Variants in KCP observed in about 807,000 individuals in gnomAD.
KCP encodes kielin cysteine rich BMP regulator.
Under a neutral mutation model 212.7 loss-of-function variants are expected in KCP, and 194 were observed. That is an observed-to-expected ratio of 0.91 (90% CI 0.81 to 1.03). The LOEUF is 1.03. KCP is among the 50% of genes least tolerant of loss of function. KCP has a pLI of 0.00. For synonymous variants in KCP, 833 were observed against 865.3 expected (o/e 0.96, Z 0.65); for missense variants, 2,080 against 2,162.5 (o/e 0.96, Z 0.76).
Position 128,877,547 on chromosome 7 carries a change from C to T in KCP, c.4555G>A (p.Ala1519Thr), listed in dbSNP as rs1449944801. The T allele has an allele frequency of 1.3e-6, 2 of 1,551,466 alleles. No homozygotes were observed. Among genetic ancestry groups the T allele is most frequent in the Non-Finnish European group, 1.7e-6 (2 of 1,146,976 alleles). Reference protein sequence around the residue: ...ADACLCDALEAYASHCRQAGV... With the variant: ...ADACLCDALETYASHCRQAGV... ...GCCTGGCGACAGTGACTGGCGTAGG[C>T]TTCCAGGGCATCACAGAGGCAGGCA... The change falls in exon 39 of 40, where the codon GCC becomes ACC. Residue 1519 changes from alanine (A) to threonine (T), a missense_variant. Coordinates refer to ENST00000610776, the MANE Select transcript of KCP (RefSeq NM_001366122.1).
Position 128,891,786 on chromosome 7 carries a change from C to T in KCP, c.1655G>A (p.Gly552Asp). 6.9e-7 allele frequency: 1 copy of T among 1,450,016 alleles called. No homozygotes were observed. The allele number at this position is 1,450,016 out of a possible 1,614,324, so 89.8% of individuals were successfully genotyped here. ...CILEEEVFVDGESFSHPRDPC... is the reference protein window; with the variant it reads ...CILEEEVFVDDESFSHPRDPC... ...GTCTCGGGGGTGGGAGAAGCTCTCG[C>T]CGTCCACAAACACCTCTTCCTCCAG... The change falls in exon 17 of 40, where the codon GGC becomes GAC. Residue 552 changes from glycine to aspartate, a missense_variant. Coordinates refer to ENST00000610776, the MANE Select transcript of KCP (RefSeq NM_001366122.1).
Position 128,880,511 on chromosome 7 carries a change from C to A in KCP, c.3634G>T (p.Val1212Leu). The A allele has an allele frequency of 6.6e-7, 1 of 1,508,930 alleles. No homozygotes were observed. Among genetic ancestry groups the A allele is most frequent in the Non-Finnish European group, 8.9e-7 (1 of 1,120,640 alleles). The allele number at this position is 1,508,930 out of a possible 1,614,324, so 93.5% of individuals were successfully genotyped here. A position where few individuals can be genotyped will look rare whatever the true frequency, so the allele number is the denominator to read the frequency against. ...ERCQAPTQSC[V>L]HQGREVASGE... ...GAGGCCACCTCACGGCCCTGGTGCA[C>A]GCAGGACTGGGTGGGAGCTGAAGGG... The change falls in exon 34 of 40, where the codon GTG becomes TTG. Residue 1212 changes from valine to leucine, a missense_variant. By Grantham distance (32) the Val-to-Leu change is conservative. Transcript: ENST00000610776.
intron 8 of KCP, among the ~76,000 whole-genome samples, chr7:128,902,570 G>A (rs192650913): frequency 6.6e-6 from 1 of 152,204 alleles, no homozygotes. Flanking sequence ...CACTAACCCG[G>A]GCTGAGCACC....
At position 128,881,771 on chromosome 7, in the gene KCP, G is replaced by A. The variant is rs750059040; in HGVS notation, c.3325-46C>T. On this transcript the variant is annotated intron_variant, in intron 30 of 39. Transcript: ENST00000610776. ...GGTAGAGAATGGCAGATCTCAGGGA[G>A]CTGGTGGAGGAGTAAGGCATAGGCA... is the stretch of plus-strand genomic sequence containing the variant. 27 of 1,470,124 alleles carry A rather than the reference G, an allele frequency of 1.8e-5. No homozygotes were observed. The South Asian group carries it at 3.2e-4, about 17-fold the overall frequency. The allele number at this position is 1,470,124 out of a possible 1,614,324, so 91.1% of individuals were successfully genotyped here.
At chr7:128,909,356 C>G (rs1795312170) in intron 1 of KCP, among the ~76,000 whole-genome samples, 2 of 152,234 alleles carry the variant, frequency 1.3e-5, no homozygotes, top group South Asian at 4.2e-4. Flanking sequence ...ATTAGTGAGG[C>G]CAGGCCTGGA....
intron 26 of KCP, among the ~76,000 whole-genome samples, chr7:128,885,609 G>C (rs577963525): frequency 6.6e-6 from 1 of 151,784 alleles, no homozygotes; most frequent in South Asian, 2.1e-4. Context: ...TGGCTCCATC[G>C]CTAACCATGT....
rs1218981173 is a variant in KCP at position 128,907,155 on chromosome 7, G to A, written c.432C>T (p.Thr144=). 3.2e-6 allele frequency: 5 copies of A among 1,551,450 alleles called. No individual in the cohort carries two copies. In the African/African-American group the frequency reaches 6.8e-5, roughly 21 times the overall value. Residue 144 remains threonine (T), a synonymous_variant, in exon 4 of 40, where the codon ACC becomes ACT. Transcript: ENST00000610776. The part of the protein sequence containing the change: ...HCRGCSQNGQ[T]YGNGETFSPD... ...GGGAGAAGGTCTCCCCGTTGCCGTA[G>A]GTCTGGCCATTTTGGCTGCAGCCTA...
At chr7:128,904,210 A>G in intron 5 of KCP, 72 bp from the exon 6 acceptor site, 1 of 1,512,578 alleles carries the variant, frequency 6.6e-7, no homozygotes, top group African/African-American at 1.4e-5. Context: ...GAGGTAAGGC[A>G]TGACCCCAAG....
At chr7:128,907,239 A>C in intron 3 of KCP, 25 bp downstream of exon 3, 2 of 1,537,246 alleles carry the variant, frequency 1.3e-6, no homozygotes, top group Non-Finnish European at 1.8e-6. Flanking sequence ...AGGTGGCCCC[A>C]GTGGGCGGAT....
In KCP at chr7:128,878,055, CT is replaced by C. The variant is rs34574520; in HGVS notation, c.4312-266del. Among the ~76,000 whole-genome samples the C allele has an allele frequency of 7.0e-3, 921 of 131,742 alleles. 6 individuals are homozygous for C. Among genetic ancestry groups the C allele is most frequent in the African/African-American group, 0.018 (655 of 35,446 alleles). 86.4% of individuals were successfully genotyped at this position (131,742 alleles called of 152,430 possible). A position where few individuals can be genotyped will look rare whatever the true frequency, so the allele number is the denominator to read the frequency against. On this transcript the variant is annotated intron_variant, in intron 38 of 39. Transcript: ENST00000610776. ...CTTGAGGGTTCAGGTAACAAGCCTTCTTTTTTTTTTTTTTTTTTGAGACAGA... is the reference window on the plus strand; with the variant it reads ...CTTGAGGGTTCAGGTAACAAGCCTTCTTTTTTTTTTTTTTTTTGAGACAGA...
At chr7:128,889,507 G>A (rs1025994610) in intron 21 of KCP, among the ~76,000 whole-genome samples, 1 of 152,204 alleles carries the variant, frequency 6.6e-6, no homozygotes, top group Non-Finnish European at 1.5e-5. Flanking sequence ...TCTGCCATTT[G>A]CTCACCTCCC....
At position 128,893,833 on chromosome 7, in the gene KCP, G is replaced by A. The variant is rs1794340902; in HGVS notation, c.1072C>T (p.Pro358Ser). The part of the protein sequence containing the change: ...PVPCRHPGKI[P>S]GQCCPVCDGC... Reference sequence around the variant, plus strand: ...TCGCAGACAGGGCAGCACTGCCCAGGGATCTTGCCTGGGTGTCTGCAGGGC... The same window carrying A: ...TCGCAGACAGGGCAGCACTGCCCAGAGATCTTGCCTGGGTGTCTGCAGGGC... The change falls in exon 11 of 40, where the codon CCT becomes TCT. Residue 358 changes from proline to serine, a missense_variant. Coordinates refer to ENST00000610776, the MANE Select transcript of KCP (RefSeq NM_001366122.1). The A allele has an allele frequency of 2.6e-6, 4 of 1,551,106 alleles. No homozygotes were observed. Among genetic ancestry groups the A allele is most frequent in the South Asian group, 1.2e-5 (1 of 84,062 alleles).
chr7:128,888,119 T>TACACACACACAC (rs199831809), intron 22 of KCP, among the ~76,000 whole-genome samples: 1 of 118,038 alleles, frequency 8.5e-6, no homozygotes, highest in African/African-American at 3.1e-5. Context: ...GCTACAGCCA[T>TACACACACACAC]ACACACACAC....
intron 23 of KCP, 74 bp from the exon 24 acceptor site, chr7:128,887,040 G>T: frequency 9.7e-7 from 1 of 1,025,764 alleles, no homozygotes; most frequent in Non-Finnish European, 1.5e-6. Context: ...TACTGAGCCT[G>T]CAGGGGCCCA....
chr7:128,884,686 G>T, intron 28 of KCP, 95 bp downstream of exon 28: 1 of 1,167,672 alleles, frequency 8.6e-7, no homozygotes, highest in Non-Finnish European at 1.2e-6. Context: ...CAGAGTGCCT[G>T]CTCCATGCAG....
In KCP at chr7:128,877,073, G is replaced by GCTGGGC; in HGVS notation, c.4851_4856dup (p.Arg1617_Pro1618dup). The GCTGGGC allele has an allele frequency of 6.6e-7, 1 of 1,523,536 alleles. No homozygotes were observed. The highest frequency in any genetic ancestry group is 1.3e-5 in the South Asian group (1 of 79,586). 94.4% of individuals were successfully genotyped at this position (1,523,536 alleles called of 1,614,324 possible). On this transcript the variant is annotated inframe_insertion, in exon 40 of 40. Coordinates refer to ENST00000610776, the MANE Select transcript of KCP (RefSeq NM_001366122.1). ...GTGTCTCCTGGGGCTCCCGGCTGGG[G>GCTGGGC]CTGGGCCGAGCACCAAGTGGCTGGT...
Position 128,892,855 on chromosome 7 carries a change from G to A in KCP, c.1420+14C>T, listed in dbSNP as rs185330550. ...ATGCAGGGGAAGAAAGCCAGGATCA[G>A]CCCAGGCACTCACCAGGGGGCTGGG... On this transcript the variant is annotated intron_variant, in intron 14 of 39. Coordinates refer to ENST00000610776, the MANE Select transcript of KCP (RefSeq NM_001366122.1). 2.6e-6 allele frequency: 4 copies of A among 1,551,066 alleles called. No individual in the cohort carries two copies. The Admixed American group carries it at 5.9e-5, about 23-fold the overall frequency.
At position 128,907,262 on chromosome 7, in the gene KCP, A is replaced by G. The variant is rs1168556481; in HGVS notation, c.409+2T>C. The stretch of plus-strand genomic sequence containing the variant: ...CCAGTGGGCGGATAGGGTGGCACTT[A>G]CCCCTGCAATGGGGCAGGTGTGCTT... On this transcript the variant is annotated splice_donor_variant, in intron 3 of 39. Transcript: ENST00000610776. LOFTEE classifies it high-confidence loss of function. The G allele has an allele frequency of 6.5e-7, 1 of 1,533,318 alleles. No individual in the cohort carries two copies. The highest frequency in any genetic ancestry group is 2.0e-5 in the Admixed American group (1 of 50,434). 95.0% of individuals were successfully genotyped at this position (1,533,318 alleles called of 1,614,324 possible). A position where few individuals can be genotyped will look rare whatever the true frequency, so the allele number is the denominator to read the frequency against.
In KCP at chr7:128,886,937, T is replaced by C. The variant is rs775669763; in HGVS notation, c.2628A>G (p.Pro876=). Residue 876 remains proline (P), a synonymous_variant, in exon 24 of 40, where the codon CCA becomes CCG. Coordinates refer to ENST00000610776, the MANE Select transcript of KCP (RefSeq NM_001366122.1). ...QEGSMRCQKK[P]CPPALCPHPS... ...GGTGGGGGCAGAGAGCTGGGGGACATGGCTTCTTCTGGCAGCGCATGGAAC... is the reference window on the plus strand; with the variant it reads ...GGTGGGGGCAGAGAGCTGGGGGACACGGCTTCTTCTGGCAGCGCATGGAAC... 3.3e-6 allele frequency: 5 copies of C among 1,523,870 alleles called. No individual in the cohort carries two copies. The highest frequency in any genetic ancestry group is 4.4e-6 in the Non-Finnish European group (5 of 1,127,660). The allele number at this position is 1,523,870 out of a possible 1,614,324, so 94.4% of individuals were successfully genotyped here.
Sources: gnomAD v4.1 joint callset for allele counts (sites outside exome capture counted in the v4.1 genomes callset) on GRCh38, gnomAD v4.1.1 for gene constraint, MANE v1.5 for transcripts, NCBI Gene and HGNC (gene_info 2026-07-23, HGNC 2026-07-21) for gene names.